The following RBFOX1 variants were observed in gnomAD, a reference collection of about 807,000 sequenced individuals.
RBFOX1 encodes RNA binding protein fox-1 homolog 1.
A neutral mutation model predicts 57.7 loss-of-function variants in RBFOX1; 8 were observed. The ratio of observed to expected loss-of-function variants is 0.14; its 90% CI spans 0.08 to 0.25. The LOEUF is 0.25. Ranked by LOEUF, RBFOX1 falls within the 10% of genes least tolerant of loss-of-function variation. The pLI, the probability that RBFOX1 is intolerant of heterozygous loss-of-function variation, is 1.00. For synonymous variants in RBFOX1, 326 were observed against 222.4 expected (o/e 1.47, Z -4.15); for missense variants, 611 against 548.5 (o/e 1.11, Z -1.14).
At chr16:7,697,793 G>A (rs1459276398) in intron 14 of RBFOX1, among the ~76,000 whole-genome samples, 1 of 152,132 alleles carries the variant, frequency 6.6e-6, no homozygotes, top group East Asian at 1.9e-4. Flanking sequence ...TCCCCAGTAT[G>A]CTATCTTGCT....
intron 2 of RBFOX1, among the ~76,000 whole-genome samples, chr16:5,508,565 A>G (rs560761322): frequency 6.6e-6 from 1 of 152,030 alleles, no homozygotes; most frequent in African/African-American, 2.4e-5. Flanking sequence ...CACACCCAAG[A>G]TGGTGGCGGG....
Position 6,840,225 on chromosome 16 carries a change from C to T in RBFOX1, c.-16+185575C>T, listed in dbSNP as rs1025830283. ...AATTCTAGACTAAAAAGAGGTCTTT[C>T]TTTCTTTAAAGCTTTGTCCATCTTT... On this transcript the variant is annotated intron_variant, in intron 3 of 15. Coordinates refer to ENST00000550418, the MANE Select transcript of RBFOX1 (RefSeq NM_018723.4). 2.0e-5 allele frequency among the ~76,000 whole-genome samples: 3 copies of T among 152,256 alleles called. No homozygotes were observed. In the East Asian group the frequency reaches 5.8e-4, roughly 29 times the overall value.
chr16:7,006,817 A>G (rs28719484), intron 3 of RBFOX1, among the ~76,000 whole-genome samples: 10,884 of 152,172 alleles, frequency 0.072, 709 homozygotes, highest in East Asian at 0.2. Context: ...TCACCTGCCC[A>G]AGAACCCTCA....
chr16:6,208,948 C>T (rs1266082854), intron 1 of RBFOX1, among the ~76,000 whole-genome samples: 1 of 152,148 alleles, frequency 6.6e-6, no homozygotes, highest in Admixed American at 6.6e-5. Context: ...CACTTGCTCA[C>T]TTCCCCCATT....
intron 2 of RBFOX1, among the ~76,000 whole-genome samples, chr16:6,480,137 A>C (rs915998750): frequency 7.2e-5 from 11 of 152,078 alleles, no homozygotes; most frequent in African/African-American, 2.7e-4. Flanking sequence ...GAAGGAGACT[A>C]GTTTTTACCT....
intron 4 of RBFOX1, among the ~76,000 whole-genome samples, chr16:5,931,888 G>A (rs929612535): frequency 2.0e-5 from 3 of 152,182 alleles, no homozygotes; most frequent in Non-Finnish European, 4.4e-5. Context: ...ACTCACTGCA[G>A]CCTTGACCTC....
intron 6 of RBFOX1, among the ~76,000 whole-genome samples, chr16:7,582,329 C>T (rs996586801): frequency 2.2e-4 from 34 of 152,042 alleles, no homozygotes; most frequent in African/African-American, 7.7e-4. Context: ...CATCTGTGTC[C>T]CTTTTTTTAA....
chr16:5,826,105 A>ATATTCCTTAATATGAATAAGGAATAT (rs1479261760), intron 3 of RBFOX1, among the ~76,000 whole-genome samples: 14 of 135,130 alleles, frequency 1.0e-4, no homozygotes, highest in Admixed American at 2.9e-4. Context: ...ATAAGGAATA[A>ATATTCCTTAATATGAATAAGGAATAT]TATTCCTTAA....
chr16:7,445,492 C>T (rs909494308), intron 4 of RBFOX1, among the ~76,000 whole-genome samples: 1 of 152,098 alleles, frequency 6.6e-6, no homozygotes, highest in African/African-American at 2.4e-5. Context: ...ATGAACTTCT[C>T]AAAATGCACT....
In RBFOX1 at chr16:5,307,245, C is replaced by G. The variant is rs188781077; in HGVS notation, c.219+67140C>G. On this transcript the variant is annotated intron_variant, in intron 1 of 2. Coordinates refer to the RBFOX1 transcript ENST00000585867. ...TGCTTTAGGGAGGCATCTGACAAGT[C>G]CTATTTCTGTGCTCACACCAGGAGA... Among the ~76,000 whole-genome samples, 302 of 152,236 alleles carry G rather than the reference C, an allele frequency of 2.0e-3. 6 individuals are homozygous for G. Among genetic ancestry groups the G allele is most frequent in the Admixed American group, 0.019 (294 of 15,284 alleles).
chr16:6,378,782 C>T (rs1468609), intron 2 of RBFOX1, among the ~76,000 whole-genome samples: 45,899 of 152,000 alleles, frequency 0.3, 7,873 homozygotes, highest in South Asian at 0.59. Flanking sequence ...TTGCTATTAT[C>T]TTCATCTGTA....
chr16:5,880,737 G>T (rs2057741766), intron 4 of RBFOX1, among the ~76,000 whole-genome samples: 1 of 152,098 alleles, frequency 6.6e-6, no homozygotes, highest in Non-Finnish European at 1.5e-5. Context: ...GACATCTGGG[G>T]AGAACAACAG....
chr16:5,832,401 C>A lies in RBFOX1; in HGVS notation c.319-34902C>A, dbSNP rs189475104. ...CCCAGAAAGGGCTATTTTGCCACTT[C>A]CTAGCTGTGTGATCTTGGGATCGTT... On this transcript the variant is annotated intron_variant, in intron 3 of 19. Coordinates refer to the RBFOX1 transcript ENST00000641259. Among the ~76,000 whole-genome samples the A allele has an allele frequency of 2.6e-5, 4 of 152,326 alleles. No homozygotes were observed. The East Asian group carries it at 7.7e-4, about 29-fold the overall frequency.
At chr16:5,292,140 T>G (rs960277985) in intron 1 of RBFOX1, among the ~76,000 whole-genome samples, 1 of 152,216 alleles carries the variant, frequency 6.6e-6, no homozygotes, top group Admixed American at 6.5e-5. Context: ...GCATATTAAA[T>G]TAATCTGCAT....
chr16:6,160,692 T>G (rs933392118), intron 1 of RBFOX1, among the ~76,000 whole-genome samples: 2 of 152,182 alleles, frequency 1.3e-5, no homozygotes, highest in Admixed American at 1.3e-4. Context: ...CTTGCAAGGC[T>G]CTGCATAACC....
intron 3 of RBFOX1, among the ~76,000 whole-genome samples, chr16:5,616,851 C>T (rs892882224): frequency 6.7e-6 from 1 of 150,290 alleles, no homozygotes; most frequent in African/African-American, 2.5e-5. Context: ...CTCCTTTGCT[C>T]CTCATCCTCC....
intron 2 of RBFOX1, among the ~76,000 whole-genome samples, chr16:5,470,011 T>A (rs1253099646): frequency 6.6e-6 from 1 of 152,228 alleles, no homozygotes; most frequent in African/African-American, 2.4e-5. Context: ...TGTGGGTATA[T>A]ACCTAGGAGT....
chr16:7,194,073 G>A (rs1057236017), intron 4 of RBFOX1, among the ~76,000 whole-genome samples: 14 of 152,112 alleles, frequency 9.2e-5, no homozygotes, highest in Admixed American at 3.3e-4. Context: ...CAATTATTGG[G>A]AGAAGGAGTT....
At chr16:7,395,115 A>G (rs1043846102) in intron 4 of RBFOX1, among the ~76,000 whole-genome samples, 8 of 152,000 alleles carry the variant, frequency 5.3e-5, no homozygotes, top group Admixed American at 3.3e-4. Context: ...GTTAGTATCC[A>G]ATCTGTAGCT....
Sources: gnomAD v4.1 joint callset for allele counts (sites outside exome capture counted in the v4.1 genomes callset) on GRCh38, gnomAD v4.1.1 for gene constraint, MANE v1.5 for transcripts, NCBI Gene and HGNC (gene_info 2026-07-23, HGNC 2026-07-21) for gene names.